Variants in ZNF704 observed in about 807,000 individuals in gnomAD.
ZNF704 encodes zinc finger protein 704, also known as glucocorticoid induced gene 1.
ZNF704 carries 10 observed loss-of-function variants against 44.7 expected under a neutral mutation model. The observed-to-expected ratio is 0.22, with a 90% CI of 0.14 to 0.38. The LOEUF (loss-of-function observed/expected upper bound fraction) is 0.38. Ranked by LOEUF, ZNF704 falls within the 10% of genes least tolerant of loss-of-function variation. ZNF704 has a pLI of 1.00. For missense variants in ZNF704, 390 were observed against 545.5 expected (o/e 0.71, Z 2.84); for synonymous variants, 211 against 207.6 (o/e 1.02, Z -0.14).
chr8:80,813,094 A>G (rs965769671), intron 2 of ZNF704, among the ~76,000 whole-genome samples: 8 of 152,238 alleles, frequency 5.3e-5, no homozygotes, highest in African/African-American at 1.9e-4. Flanking sequence ...GAACATTCTC[A>G]TATATCCAAT....
chr8:80,773,953 G>T (rs995450183), intron 2 of ZNF704, among the ~76,000 whole-genome samples: 3 of 151,782 alleles, frequency 2.0e-5, no homozygotes, highest in African/African-American at 7.3e-5. Context: ...TTCAGTCTAA[G>T]ATCTTCTTGG....
At chr8:80,712,712 T>A (rs2131661327) in intron 2 of ZNF704, among the ~76,000 whole-genome samples, 1 of 151,266 alleles carries the variant, frequency 6.6e-6, no homozygotes, top group South Asian at 2.1e-4. Flanking sequence ...AAATGTGAGG[T>A]AATGAATAAA....
chr8:80,809,167 T>G (rs766554823), intron 2 of ZNF704, among the ~76,000 whole-genome samples: 9 of 152,182 alleles, frequency 5.9e-5, no homozygotes, highest in South Asian at 2.1e-4. Context: ...GGCATACACC[T>G]GCAGTCCCAG....
chr8:80,805,913 C>T (rs767918499), intron 2 of ZNF704, among the ~76,000 whole-genome samples: 6 of 152,196 alleles, frequency 3.9e-5, no homozygotes, highest in Middle Eastern at 3.2e-3. Context: ...CTGCCACCTG[C>T]CATCGCCTCC....
chr8:80,643,417 C>T (rs1334017459), intron 7 of ZNF704, among the ~76,000 whole-genome samples: 1 of 146,808 alleles, frequency 6.8e-6, no homozygotes, highest in African/African-American at 2.5e-5. Context: ...ACTTGGGAGG[C>T]TGAGGCAGGA....
chr8:80,837,453 CA>C, intron 1 of ZNF704, among the ~76,000 whole-genome samples: 2 of 152,214 alleles, frequency 1.3e-5, no homozygotes, highest in East Asian at 3.9e-4. Context: ...GATTAAAAGG[CA>C]AATTTTCAGA....
Position 80,639,034 on chromosome 8 carries a change from C to A in ZNF704, c.*2332G>T, listed in dbSNP as rs867045915. On this transcript the variant is annotated 3_prime_UTR_variant, in exon 9 of 9. Coordinates refer to ENST00000327835, the MANE Select transcript of ZNF704 (RefSeq NM_001033723.3). ...GGTATATATCTGGGGGTGGAAGCCA[C>A]GGGGCTTTGCTCCAGGACTGCTCCA... is the stretch of plus-strand genomic sequence containing the variant. The A allele has an allele frequency of 6.6e-6, 1 of 152,520 alleles. No homozygotes were observed. Among genetic ancestry groups the A allele is most frequent in the South Asian group, 2.1e-4 (1 of 4,826 alleles). 9.4% of individuals were successfully genotyped at this position (152,520 alleles called of 1,614,324 possible). A position where few individuals can be genotyped will look rare whatever the true frequency, so the allele number is the denominator to read the frequency against.
intron 1 of ZNF704, among the ~76,000 whole-genome samples, chr8:80,843,962 T>C (rs1808723806): frequency 7.5e-6 from 1 of 133,878 alleles, no homozygotes; most frequent in Non-Finnish European, 1.5e-5. Flanking sequence ...TATATGTGTA[T>C]ATATATGTGT....
intron 3 of ZNF704, among the ~76,000 whole-genome samples, chr8:80,687,762 A>T (rs779141394): frequency 6.6e-6 from 1 of 152,328 alleles, no homozygotes; most frequent in East Asian, 1.9e-4. Context: ...ATGAAAAAAA[A>T]GATTTTCTTG....
At chr8:80,805,676 A>G (rs1176899399) in intron 2 of ZNF704, among the ~76,000 whole-genome samples, 1 of 152,194 alleles carries the variant, frequency 6.6e-6, no homozygotes, top group Non-Finnish European at 1.5e-5. Flanking sequence ...ACAAAGATAA[A>G]TGGTTTGGTG....
chr8:80,665,616 T>G (rs1210036636), intron 5 of ZNF704, among the ~76,000 whole-genome samples: 1 of 152,180 alleles, frequency 6.6e-6, no homozygotes, highest in Non-Finnish European at 1.5e-5. Context: ...AAGCCCAGGC[T>G]TTATCACTGT....
At chr8:80,648,320 A>T (rs1390320764) in intron 7 of ZNF704, among the ~76,000 whole-genome samples, 1 of 152,172 alleles carries the variant, frequency 6.6e-6, no homozygotes, top group Non-Finnish European at 1.5e-5. Flanking sequence ...AGTTCAGTAC[A>T]TGCATTTCGA....
chr8:80,867,257 GT>G (rs112065102), intron 1 of ZNF704, among the ~76,000 whole-genome samples: 1,789 of 152,302 alleles, frequency 0.012, 32 homozygotes, highest in African/African-American at 0.04. Flanking sequence ...ACAGCCACAT[GT>G]TAAGTCCACC....
At chr8:80,805,220 A>G (rs1041070607) in intron 2 of ZNF704, among the ~76,000 whole-genome samples, 4 of 152,194 alleles carry the variant, frequency 2.6e-5, no homozygotes, top group African/African-American at 9.6e-5. Context: ...TTGCCTTTTA[A>G]GTAGTCATCC....
intron 2 of ZNF704, among the ~76,000 whole-genome samples, chr8:80,731,834 T>C (rs1046653640): frequency 2.6e-5 from 4 of 152,206 alleles, no homozygotes; most frequent in Non-Finnish European, 5.9e-5. Flanking sequence ...TCTGTTATAA[T>C]GCACATTTTC....
chr8:80,764,654 C>T (rs1218130497), intron 2 of ZNF704, among the ~76,000 whole-genome samples: 1 of 152,144 alleles, frequency 6.6e-6, no homozygotes, highest in African/African-American at 2.4e-5. Flanking sequence ...TTGTGGTCTG[C>T]AAATTTTCTA....
In ZNF704 at chr8:80,638,917, C is replaced by T. The variant is rs1374830379; in HGVS notation, c.*2449G>A. The stretch of plus-strand genomic sequence containing the variant: ...GAGATCCCAGGGAAGCTACATTCAG[C>T]TCTGTAGTTCTGCTTATACCTGTGC... On this transcript the variant is annotated 3_prime_UTR_variant, in exon 9 of 9. Transcript: ENST00000327835. The T allele has an allele frequency of 6.6e-6, 1 of 152,290 alleles. No individual in the cohort carries two copies. The highest frequency in any genetic ancestry group is 1.5e-5 in the Non-Finnish European group (1 of 68,084). The allele number at this position is 152,290 out of a possible 1,614,324, so 9.4% of individuals were successfully genotyped here.
At chr8:80,746,732 T>C (rs947870896) in intron 2 of ZNF704, among the ~76,000 whole-genome samples, 1 of 152,172 alleles carries the variant, frequency 6.6e-6, no homozygotes, top group Non-Finnish European at 1.5e-5. Flanking sequence ...GGACCCATTG[T>C]TACGGGCAAT....
At chr8:80,815,099 C>A (rs1226706832) in intron 2 of ZNF704, among the ~76,000 whole-genome samples, 1 of 152,162 alleles carries the variant, frequency 6.6e-6, no homozygotes, top group East Asian at 1.9e-4. Flanking sequence ...TTCTTTTAAA[C>A]TATATAATTC....
Sources: allele counts gnomAD v4.1 joint callset (sites outside exome capture counted in the v4.1 genomes callset), GRCh38; gene constraint gnomAD v4.1.1; transcripts MANE v1.5; gene names NCBI Gene and HGNC (gene_info 2026-07-23, HGNC 2026-07-21).